Variants in EPC1 observed in about 807,000 individuals in gnomAD.
EPC1 encodes the protein enhancer of polycomb 1, also known as enhancer of polycomb homolog 1.
Under a neutral mutation model 98.4 loss-of-function variants are expected in EPC1, and 12 were observed. That is an observed-to-expected ratio of 0.12 (90% CI 0.08 to 0.20). The LOEUF is 0.20. EPC1 is among the 10% of genes least tolerant of loss of function. EPC1 has a pLI of 1.00. For missense variants in EPC1, 729 were observed against 990.5 expected (o/e 0.74, Z 3.54); for synonymous variants, 357 against 363.9 (o/e 0.98, Z 0.21).
At chr10:32,298,846 C>A (rs762294284) in intron 2 of EPC1, among the ~76,000 whole-genome samples, 1 of 152,118 alleles carries the variant, frequency 6.6e-6, no homozygotes, top group African/African-American at 2.4e-5. Flanking sequence ...GATGTTGAGG[C>A]AGGCAGTGGG....
chr10:32,349,755 A>G (rs992633678), upstream of EPC1, among the ~76,000 whole-genome samples: 1 of 152,098 alleles, frequency 6.6e-6, no homozygotes, highest in Non-Finnish European at 1.5e-5. Flanking sequence ...ACATGCCACC[A>G]TACCCTGCTA....
chr10:32,292,336 C>A (rs1207563500), intron 5 of EPC1, 160 bp downstream of exon 5: 2 of 477,832 alleles, frequency 4.2e-6, no homozygotes, highest in Non-Finnish European at 3.4e-6. Context: ...TAGAGGAAAA[C>A]ATGTAAAAGT....
intron 1 of EPC1, among the ~76,000 whole-genome samples, chr10:32,342,028 A>T (rs1403508631): frequency 6.6e-6 from 1 of 152,248 alleles, no homozygotes; most frequent in Non-Finnish European, 1.5e-5. Context: ...ACTTTATGCA[A>T]AAATACCTTT....
intron 10 of EPC1, chr10:32,284,435 CG>C (rs529046091): frequency 8.0e-4 from 255 of 317,210 alleles, no homozygotes; most frequent in African/African-American, 4.7e-3. Flanking sequence ...TTGTGGTTCA[CG>C]GACTATATCC....
At chr10:32,373,764 G>A (rs1232905860) in intron 1 of EPC1, among the ~76,000 whole-genome samples, 5 of 152,152 alleles carry the variant, frequency 3.3e-5, no homozygotes, top group African/African-American at 1.2e-4. Context: ...TGATGTTATG[G>A]CAACGTAAAA....
At chr10:32,336,067 CTTTT>C (rs1222918543) in intron 1 of EPC1, among the ~76,000 whole-genome samples, 18 of 55,202 alleles carry the variant, frequency 3.3e-4, no homozygotes, top group East Asian at 2.5e-3. Flanking sequence ...ACTACCTTTT[CTTTT>C]TTTTTTTTTT....
chr10:32,313,801 G>A (rs745580842), intron 1 of EPC1, among the ~76,000 whole-genome samples: 2 of 152,034 alleles, frequency 1.3e-5, no homozygotes, highest in Non-Finnish European at 2.9e-5. Flanking sequence ...CAGGAGAATC[G>A]CTTGAACCTG....
chr10:32,349,678 T>A (rs1304628962), upstream of EPC1, among the ~76,000 whole-genome samples: 1 of 152,226 alleles, frequency 6.6e-6, no homozygotes, highest in African/African-American at 2.4e-5. Context: ...CATGGCTTAC[T>A]GCAGGCTTGA....
intron 1 of EPC1, among the ~76,000 whole-genome samples, chr10:32,321,811 C>G (rs932903226): frequency 1.3e-5 from 2 of 151,874 alleles, no homozygotes; most frequent in African/African-American, 4.8e-5. Flanking sequence ...CCCTTCTTGT[C>G]TTCTTCTGCC....
chr10:32,358,861 A>G (rs1023642878), intron 1 of EPC1, among the ~76,000 whole-genome samples: 1 of 152,332 alleles, frequency 6.6e-6, no homozygotes, highest in Admixed American at 6.5e-5. Flanking sequence ...ACTAGGCTCC[A>G]TAAAATACTG....
intron 6 of EPC1, among the ~76,000 whole-genome samples, chr10:32,287,524 C>T (rs758933518): frequency 6.6e-6 from 1 of 152,146 alleles, no homozygotes; most frequent in East Asian, 1.9e-4. Flanking sequence ...AAGGAGAGAA[C>T]AGAAGTTCTC....
chr10:32,278,390 T>G (rs1301489553), intron 10 of EPC1, among the ~76,000 whole-genome samples: 2 of 121,340 alleles, frequency 1.6e-5, no homozygotes, highest in Admixed American at 8.8e-5. Context: ...TTTTTGTTTT[T>G]TTTTTTTTTG....
intron 1 of EPC1, chr10:32,346,556 G>A: frequency 1.7e-6 from 1 of 576,078 alleles, no homozygotes; most frequent in Non-Finnish European, 3.1e-6. Flanking sequence ...GCCAGGGTCA[G>A]CGGGTGGCCT....
At chr10:32,288,871 T>C (rs937726766) in intron 6 of EPC1, among the ~76,000 whole-genome samples, 2 of 151,864 alleles carry the variant, frequency 1.3e-5, no homozygotes, top group Non-Finnish European at 2.9e-5. Context: ...GGGAGGATCA[T>C]GAGGTCAGGA....
chr10:32,314,757 ACTATCTGTAGATAAAGC>A (rs1429363152), intron 1 of EPC1, among the ~76,000 whole-genome samples: 1 of 152,206 alleles, frequency 6.6e-6, no homozygotes, highest in African/African-American at 2.4e-5. Flanking sequence ...AGTGACATTA[ACTATCTGTAGATAAAGC>A]CTATCTGGAG....
intron 1 of EPC1, among the ~76,000 whole-genome samples, chr10:32,366,002 G>A (rs1014949158): frequency 3.3e-5 from 5 of 151,158 alleles, no homozygotes; most frequent in African/African-American, 9.7e-5. Context: ...GCATGGTGGC[G>A]CGTGCCTGTA....
intron 1 of EPC1, among the ~76,000 whole-genome samples, chr10:32,310,270 A>T (rs1274631098): frequency 6.6e-6 from 1 of 152,196 alleles, no homozygotes; most frequent in Non-Finnish European, 1.5e-5. Context: ...TCCACAGTTT[A>T]CTAACTCTAT....
chr10:32,356,506 G>A (rs1839281560), intron 1 of EPC1, among the ~76,000 whole-genome samples: 1 of 152,024 alleles, frequency 6.6e-6, no homozygotes, highest in East Asian at 1.9e-4. Context: ...GGAGAGGCTG[G>A]GACAAGCCTG....
intron 1 of EPC1, among the ~76,000 whole-genome samples, chr10:32,362,567 C>A (rs892739456): frequency 3.3e-5 from 5 of 152,192 alleles, no homozygotes; most frequent in Non-Finnish European, 7.3e-5. Context: ...CGAGCAGATG[C>A]CAGCATCGTG....
Sources: gnomAD v4.1 joint callset for allele counts (sites outside exome capture counted in the v4.1 genomes callset) on GRCh38, gnomAD v4.1.1 for gene constraint, MANE v1.5 for transcripts, NCBI Gene and HGNC (gene_info 2026-07-23, HGNC 2026-07-21) for gene names.